The following TASP1 variants were observed in gnomAD, a reference collection of about 807,000 sequenced individuals.
The protein encoded by TASP1 is taspase 1, also known as threonine aspartase 1.
A neutral mutation model predicts 56.6 loss-of-function variants in TASP1; 16 were observed. The ratio of observed to expected loss-of-function variants is 0.28; its 90% CI spans 0.19 to 0.43. The LOEUF is 0.43. TASP1 is among the 20% of genes least tolerant of loss of function. The pLI, the probability that TASP1 is intolerant of heterozygous loss-of-function variation, is 1.00. For missense variants in TASP1, 393 were observed against 511.6 expected, an observed-to-expected ratio of 0.77 and a Z score of 2.24; for synonymous variants, 179 against 184.2, an observed-to-expected ratio of 0.97 and a Z score of 0.23.
At chr20:13,421,160 T>G (rs2042421012) in intron 12 of TASP1, among the ~76,000 whole-genome samples, 1 of 147,736 alleles carries the variant, frequency 6.8e-6, no homozygotes, top group Admixed American at 6.8e-5. Flanking sequence ...TCACCTAGGC[T>G]GGAGTGCGGT....
chr20:13,425,503 G>A (rs1364930495), intron 12 of TASP1, among the ~76,000 whole-genome samples: 1 of 151,976 alleles, frequency 6.6e-6, no homozygotes, highest in Non-Finnish European at 1.5e-5. Flanking sequence ...CAGCTGCACT[G>A]GCTCCCACAC....
the TASP1 span, among the ~76,000 whole-genome samples, chr20:13,108,200 G>T: frequency 6.6e-6 from 1 of 152,162 alleles, no homozygotes; most frequent in Non-Finnish European, 1.5e-5. Context: ...CCCACTCCAA[G>T]TCATAGGAAG....
At chr20:13,506,175 T>C (rs6134895) in intron 10 of TASP1, among the ~76,000 whole-genome samples, 94,857 of 151,862 alleles carry the variant, frequency 0.62, 30,042 homozygotes, top group Non-Finnish European at 0.68. Flanking sequence ...TAGAAATATA[T>C]AATCTACCAA....
chr20:13,391,907 G>C (rs1349537762), intron 13 of TASP1, among the ~76,000 whole-genome samples: 3 of 148,754 alleles, frequency 2.0e-5, no homozygotes, highest in Non-Finnish European at 4.4e-5. Flanking sequence ...GGTGGAGCTT[G>C]AAGTGAGCCG....
intron 4 of TASP1, among the ~76,000 whole-genome samples, chr20:13,619,212 T>G (rs2048628505): frequency 6.6e-6 from 1 of 152,160 alleles, no homozygotes; most frequent in Admixed American, 6.5e-5. Flanking sequence ...TCACTATTCT[T>G]AATACACAGT....
At chr20:13,379,363 G>A in the TASP1 span, among the ~76,000 whole-genome samples, 2 of 152,092 alleles carry the variant, frequency 1.3e-5, no homozygotes, top group Non-Finnish European at 2.9e-5. Context: ...TGAAATTCTG[G>A]GTTGAAAATT....
chr20:13,489,764 T>C (rs1047742605), intron 10 of TASP1, among the ~76,000 whole-genome samples: 3 of 152,196 alleles, frequency 2.0e-5, no homozygotes, highest in Admixed American at 1.3e-4. Context: ...ATAAATAATA[T>C]AAAATTACCA....
chr20:13,442,823 C>T (rs1330576345), intron 11 of TASP1, among the ~76,000 whole-genome samples: 16 of 151,932 alleles, frequency 1.1e-4, no homozygotes, highest in Non-Finnish European at 4.4e-5. Flanking sequence ...TTCAAGATTC[C>T]ATATTTTTTG....
intron 4 of TASP1, among the ~76,000 whole-genome samples, chr20:13,608,758 T>C (rs2048247103): frequency 6.6e-6 from 1 of 152,274 alleles, no homozygotes; most frequent in African/African-American, 2.4e-5. Flanking sequence ...CTGGCCATAG[T>C]TGGCCAATCC....
At chr20:13,210,616 C>CAT in the TASP1 span, among the ~76,000 whole-genome samples, 2 of 147,406 alleles carry the variant, frequency 1.4e-5, no homozygotes, top group African/African-American at 2.5e-5. Flanking sequence ...CATGTGCACA[C>CAT]GTGTGTGTGT....
chr20:13,481,743 T>C (rs1183191722), intron 11 of TASP1, among the ~76,000 whole-genome samples: 1 of 152,208 alleles, frequency 6.6e-6, no homozygotes, highest in Admixed American at 6.5e-5. Context: ...TCTGTTCAAA[T>C]CTTTTGCCCA....
the TASP1 span, chr20:13,245,237 C>T: frequency 3.9e-5 from 6 of 152,332 alleles, no homozygotes; most frequent in African/African-American, 1.4e-4. Flanking sequence ...TCAGACACAG[C>T]TTACCTGGAT....
At chr20:13,357,817 A>G in the TASP1 span, among the ~76,000 whole-genome samples, 2 of 152,248 alleles carry the variant, frequency 1.3e-5, no homozygotes, top group African/African-American at 2.4e-5. Context: ...ATGATCTACT[A>G]CTACATGCAA....
At chr20:13,483,170 TATAGAAGTGA>T in intron 11 of TASP1, 47 bp downstream of exon 11, 1 of 1,310,540 alleles carries the variant, frequency 7.6e-7, no homozygotes, top group Non-Finnish European at 1.1e-6. Flanking sequence ...TCATAGTGCT[TATAGAAGTGA>T]AATAATCCAT....
At chr20:13,194,615 A>G in the TASP1 span, among the ~76,000 whole-genome samples, 1 of 151,222 alleles carries the variant, frequency 6.6e-6, no homozygotes, top group African/African-American at 2.4e-5. Context: ...CTTTTCTGCC[A>G]TCTATATCAG....
At chr20:13,339,601 G>C in the TASP1 span, among the ~76,000 whole-genome samples, 1 of 152,056 alleles carries the variant, frequency 6.6e-6, no homozygotes, top group Non-Finnish European at 1.5e-5. Context: ...TGGGGGCTTT[G>C]TTCTTGCCTT....
chr20:13,118,298 C>A, the TASP1 span, among the ~76,000 whole-genome samples: 842 of 151,972 alleles, frequency 5.5e-3, 2 homozygotes, highest in Middle Eastern at 0.037. Flanking sequence ...AAAAAAAATT[C>A]TTTCCATAAT....
At chr20:13,573,624 T>C (rs952468693) in intron 6 of TASP1, among the ~76,000 whole-genome samples, 1 of 152,224 alleles carries the variant, frequency 6.6e-6, no homozygotes, top group Non-Finnish European at 1.5e-5. Flanking sequence ...TCTAGTCATC[T>C]AATTTCTATT....
the TASP1 span, among the ~76,000 whole-genome samples, chr20:13,371,090 C>T: frequency 2.0e-5 from 3 of 152,068 alleles, no homozygotes; most frequent in African/African-American, 7.2e-5. Flanking sequence ...AACAGTTTGT[C>T]AGTATTATTG....
Sources: gnomAD v4.1 joint callset for allele counts (sites outside exome capture counted in the v4.1 genomes callset) on GRCh38, gnomAD v4.1.1 for gene constraint, MANE v1.5 for transcripts, NCBI Gene and HGNC (gene_info 2026-07-23, HGNC 2026-07-21) for gene names.